Variants in SYN3 observed in about 807,000 individuals in gnomAD.
SYN3 encodes the protein synapsin III.
Under a neutral mutation model 65.8 loss-of-function variants are expected in SYN3, and 35 were observed. That is an observed-to-expected ratio of 0.53 (90% CI 0.41 to 0.70). The LOEUF is 0.70. Ranked by LOEUF, SYN3 falls within the 30% of genes least tolerant of loss-of-function variation. The pLI is 0.00. For missense variants in SYN3, 680 were observed against 749.0 expected (o/e 0.91, Z 1.08); for synonymous variants, 270 against 292.9 (o/e 0.92, Z 0.80).
At chr22:32,993,424 C>T (rs1270877003) in intron 2 of SYN3, among the ~76,000 whole-genome samples, 4 of 152,186 alleles carry the variant, frequency 2.6e-5, no homozygotes, top group Admixed American at 6.5e-5. Flanking sequence ...GGCGCGATCT[C>T]GGCTCACTGC....
At chr22:32,808,479 G>A (rs943147672) in intron 6 of SYN3, among the ~76,000 whole-genome samples, 56 of 152,170 alleles carry the variant, frequency 3.7e-4, no homozygotes, top group Admixed American at 3.5e-3. Flanking sequence ...AGAAGGCCTG[G>A]TTTAGGAAAG....
chr22:32,822,192 T>C (rs2047269386), intron 6 of SYN3, among the ~76,000 whole-genome samples: 1 of 149,812 alleles, frequency 6.7e-6, no homozygotes, highest in Non-Finnish European at 1.5e-5. Flanking sequence ...GAGCTCTGTC[T>C]GTCTGTCCTT....
intron 4 of SYN3, among the ~76,000 whole-genome samples, chr22:32,909,041 C>CTCAT (rs957461660): frequency 2.0e-5 from 3 of 152,144 alleles, no homozygotes; most frequent in Non-Finnish European, 4.4e-5. Context: ...CTGAGGTTCG[C>CTCAT]TCATTCATTC....
At chr22:32,767,466 A>G (rs2045658045) in intron 6 of SYN3, among the ~76,000 whole-genome samples, 8 of 152,096 alleles carry the variant, frequency 5.3e-5, no homozygotes, top group Admixed American at 5.2e-4. Context: ...GTTTTGACTG[A>G]ATTTTCATTT....
At chr22:32,636,677 T>G (rs9621512) in intron 6 of SYN3, among the ~76,000 whole-genome samples, 14,994 of 152,138 alleles carry the variant, frequency 0.099, 1,678 homozygotes, top group African/African-American at 0.28. Flanking sequence ...ATCTAGACAC[T>G]CTGAATTATT....
At chr22:32,736,811 C>A (rs917721772) in intron 6 of SYN3, among the ~76,000 whole-genome samples, 1 of 152,110 alleles carries the variant, frequency 6.6e-6, no homozygotes, top group Admixed American at 6.6e-5. Context: ...GGCTCAGATT[C>A]CTAGCATATC....
intron 5 of SYN3, among the ~76,000 whole-genome samples, chr22:32,868,086 G>C (rs1357125721): frequency 6.6e-6 from 1 of 152,200 alleles, no homozygotes; most frequent in African/African-American, 2.4e-5. Flanking sequence ...TCTGTAAAAT[G>C]AAGGGTTGAC....
chr22:32,536,206 G>A (rs2058162403), intron 9 of SYN3, among the ~76,000 whole-genome samples: 1 of 152,226 alleles, frequency 6.6e-6, no homozygotes, highest in South Asian at 2.1e-4. Flanking sequence ...GTGAACACCT[G>A]TTGGGGGAAG....
intron 3 of SYN3, among the ~76,000 whole-genome samples, chr22:32,933,592 C>A (rs2050695379): frequency 6.6e-6 from 1 of 152,148 alleles, no homozygotes; most frequent in African/African-American, 2.4e-5. Context: ...CCACACCCAG[C>A]TAATTTTTGT....
chr22:32,982,389 G>A (rs886362996), intron 2 of SYN3, among the ~76,000 whole-genome samples: 9 of 151,894 alleles, frequency 5.9e-5, no homozygotes, highest in Admixed American at 1.3e-4. Flanking sequence ...CCCTGCCTCT[G>A]TCTTCCCCAT....
At chr22:32,800,962 C>G (rs945532320) in intron 6 of SYN3, among the ~76,000 whole-genome samples, 5 of 152,296 alleles carry the variant, frequency 3.3e-5, no homozygotes, top group African/African-American at 1.2e-4. Context: ...TTCTTCATAG[C>G]CCTAGCATCA....
intron 2 of SYN3, among the ~76,000 whole-genome samples, chr22:32,997,533 G>A (rs951113323): frequency 2.0e-5 from 3 of 152,090 alleles, no homozygotes; most frequent in East Asian, 1.9e-4. Flanking sequence ...GTTTCTCCAC[G>A]CTCTGCCCCC....
At chr22:32,686,063 G>A (rs372349223) in intron 6 of SYN3, among the ~76,000 whole-genome samples, 99 of 152,230 alleles carry the variant, frequency 6.5e-4, no homozygotes, top group Non-Finnish European at 1.1e-3. Flanking sequence ...CTGGGTATTG[G>A]AATTACAAGA....
intron 6 of SYN3, among the ~76,000 whole-genome samples, chr22:32,636,980 C>G (rs1224533115): frequency 2.0e-5 from 3 of 152,226 alleles, no homozygotes; most frequent in Non-Finnish European, 1.5e-5. Flanking sequence ...CCACTCCACC[C>G]TGTCCCGCCT....
At chr22:32,774,028 T>C (rs952518904) in intron 6 of SYN3, among the ~76,000 whole-genome samples, 2 of 151,756 alleles carry the variant, frequency 1.3e-5, no homozygotes, top group African/African-American at 4.8e-5. Context: ...GAAGTTCCAG[T>C]GTGTGCTGGT....
At chr22:32,948,628 T>A (rs2051187645) in intron 3 of SYN3, among the ~76,000 whole-genome samples, 1 of 151,900 alleles carries the variant, frequency 6.6e-6, no homozygotes, top group Non-Finnish European at 1.5e-5. Context: ...TCTCAGCTAC[T>A]CGGGAGGCTG....
chr22:32,872,793 G>A (rs999637903), intron 4 of SYN3, among the ~76,000 whole-genome samples: 1 of 152,136 alleles, frequency 6.6e-6, no homozygotes, highest in Non-Finnish European at 1.5e-5. Flanking sequence ...CAACATTTAA[G>A]GTTGTGACCT....
chr22:32,572,690 C>T (rs546130525), intron 7 of SYN3, among the ~76,000 whole-genome samples: 1 of 151,904 alleles, frequency 6.6e-6, no homozygotes, highest in South Asian at 2.1e-4. Context: ...TCAAGCAATC[C>T]TCCTGCCTCA....
intron 6 of SYN3, among the ~76,000 whole-genome samples, chr22:32,649,517 A>G (rs991758166): frequency 1.3e-5 from 2 of 152,222 alleles, no homozygotes; most frequent in African/African-American, 4.8e-5. Flanking sequence ...AAGATCACAC[A>G]GAAAGGAAAC....
Sources: gnomAD v4.1 joint callset for allele counts (sites outside exome capture counted in the v4.1 genomes callset) on GRCh38, gnomAD v4.1.1 for gene constraint, MANE v1.5 for transcripts, NCBI Gene and HGNC (gene_info 2026-07-23, HGNC 2026-07-21) for gene names.